AK5: variants seen among roughly 807,000 people sequenced by gnomAD.
AK5 encodes the protein adenylate kinase isoenzyme 5.
In AK5, 27 loss-of-function variants were observed where a neutral mutation model predicts 69.5. The ratio of observed to expected loss-of-function variants is 0.39; its 90% CI spans 0.29 to 0.54. AK5 has a LOEUF of 0.54. Ranked by LOEUF, AK5 falls within the 20% of genes least tolerant of loss-of-function variation. AK5 has a pLI of 0.71. For missense variants in AK5, 531 were observed against 700.4 expected, an observed-to-expected ratio of 0.76 and a Z score of 2.73; for synonymous variants, 260 against 244.4, an observed-to-expected ratio of 1.06 and a Z score of -0.60.
intron 6 of AK5, among the ~76,000 whole-genome samples, chr1:77,384,618 GA>G (rs1326430351): frequency 6.6e-6 from 1 of 151,818 alleles, no homozygotes; most frequent in Non-Finnish European, 1.5e-5. Context: ...CAGTGCAAAA[GA>G]AAAACAGAAG....
chr1:77,317,743 AC>A (rs1225765466), intron 5 of AK5, among the ~76,000 whole-genome samples: 1 of 152,156 alleles, frequency 6.6e-6, no homozygotes, highest in Non-Finnish European at 1.5e-5. Context: ...ACCTTTCATG[AC>A]AATTATTGTC....
intron 6 of AK5, among the ~76,000 whole-genome samples, chr1:77,380,388 A>G (rs1181599536): frequency 1.3e-5 from 2 of 152,276 alleles, no homozygotes; most frequent in African/African-American, 2.4e-5. Context: ...AAGTCACACA[A>G]CTAGTTAAGT....
At chr1:77,427,629 C>G (rs553203855) in intron 8 of AK5, among the ~76,000 whole-genome samples, 1 of 152,056 alleles carries the variant, frequency 6.6e-6, no homozygotes, top group African/African-American at 2.4e-5. Flanking sequence ...GAACCATTCT[C>G]TATATACCAA....
intron 5 of AK5, among the ~76,000 whole-genome samples, chr1:77,331,173 A>G (rs1001523122): frequency 3.9e-5 from 6 of 152,000 alleles, no homozygotes; most frequent in African/African-American, 7.2e-5. Flanking sequence ...AATAATGGCA[A>G]TTGTATTTCT....
intron 8 of AK5, among the ~76,000 whole-genome samples, chr1:77,463,919 G>A (rs1192978007): frequency 6.6e-6 from 1 of 152,214 alleles, no homozygotes; most frequent in East Asian, 1.9e-4. Context: ...TAGGAGGGGT[G>A]CTTAAGCAGA....
chr1:77,526,950 C>T (rs1457784957), intron 12 of AK5, among the ~76,000 whole-genome samples: 1 of 152,032 alleles, frequency 6.6e-6, no homozygotes, highest in Non-Finnish European at 1.5e-5. Context: ...AAAATTGAGT[C>T]TGAAGGCAAA....
At chr1:77,337,765 C>T (rs1271365886) in intron 5 of AK5, among the ~76,000 whole-genome samples, 1 of 152,076 alleles carries the variant, frequency 6.6e-6, no homozygotes, top group Non-Finnish European at 1.5e-5. Context: ...CCTTACTTTG[C>T]AGCGGGGAAA....
intron 8 of AK5, among the ~76,000 whole-genome samples, chr1:77,442,543 G>A (rs1652393164): frequency 6.6e-6 from 1 of 152,132 alleles, no homozygotes; most frequent in Admixed American, 6.5e-5. Context: ...TCCTAGCTGG[G>A]GGATAGGGTG....
intron 6 of AK5, among the ~76,000 whole-genome samples, chr1:77,368,651 C>A (rs184583031): frequency 1.3e-5 from 2 of 152,090 alleles, no homozygotes; most frequent in East Asian, 3.9e-4. Flanking sequence ...ATAATGTGTT[C>A]CGTGTAGCTA....
intron 8 of AK5, among the ~76,000 whole-genome samples, chr1:77,430,425 A>G (rs1651562051): frequency 6.6e-6 from 1 of 152,186 alleles, no homozygotes; most frequent in Non-Finnish European, 1.5e-5. Flanking sequence ...CATGAGTGTA[A>G]TTTTAGACAT....
intron 8 of AK5, among the ~76,000 whole-genome samples, chr1:77,443,697 G>GTGTT (rs1557597488): frequency 6.6e-6 from 1 of 150,956 alleles, no homozygotes; most frequent in Non-Finnish European, 1.5e-5. Flanking sequence ...GTGTGTGTGT[G>GTGTT]TGTGTGTGTG....
At chr1:77,343,299 C>A (rs2100390164) in intron 6 of AK5, among the ~76,000 whole-genome samples, 1 of 152,250 alleles carries the variant, frequency 6.6e-6, no homozygotes, top group Non-Finnish European at 1.5e-5. Context: ...CCTGTTTAGT[C>A]CAGTTGAGAA....
intron 8 of AK5, among the ~76,000 whole-genome samples, chr1:77,475,494 A>G (rs1408532205): frequency 2.0e-5 from 1 of 49,026 alleles, no homozygotes; most frequent in Non-Finnish European, 4.1e-5. Flanking sequence ...ATATATATAC[A>G]AATATATATT....
chr1:77,441,596 T>C (rs940295248), intron 8 of AK5, among the ~76,000 whole-genome samples: 4 of 152,202 alleles, frequency 2.6e-5, no homozygotes, highest in East Asian at 3.8e-4. Context: ...ACCTCAGTGG[T>C]TTAGGCTGTA....
In AK5 at chr1:77,442,648, C is replaced by A. The variant is rs144097607; in HGVS notation, c.1059+24933C>A. On this transcript the variant is annotated intron_variant, in intron 8 of 13. Transcript: ENST00000354567. ...GTTATTGTTTGGATGTACTTCAGTG[C>A]CCTCCTTCAGTTATTTTTATTAAAA... 2.2e-3 allele frequency among the ~76,000 whole-genome samples: 342 copies of A among 152,152 alleles called. 2 individuals are homozygous for A. Among genetic ancestry groups the A allele is most frequent in the African/African-American group, 8.0e-3 (332 of 41,506 alleles).
intron 5 of AK5, among the ~76,000 whole-genome samples, chr1:77,339,803 C>A (rs1661557379): frequency 6.6e-6 from 1 of 151,842 alleles, no homozygotes; most frequent in South Asian, 2.1e-4. Flanking sequence ...GTGCCACCAC[C>A]TGTAGAGACG....
intron 8 of AK5, among the ~76,000 whole-genome samples, chr1:77,464,524 T>G (rs1654026361): frequency 6.6e-6 from 1 of 152,092 alleles, no homozygotes; most frequent in African/African-American, 2.4e-5. Context: ...AGTCTTTTAA[T>G]GAGATGAGTT....
chr1:77,455,231 T>C (rs1325367214), intron 8 of AK5, among the ~76,000 whole-genome samples: 1 of 152,196 alleles, frequency 6.6e-6, no homozygotes, highest in African/African-American at 2.4e-5. Flanking sequence ...TCTGAATGAT[T>C]GTTTTCCCCC....
chr1:77,484,494 A>G (rs931404181), intron 9 of AK5, among the ~76,000 whole-genome samples: 6 of 152,184 alleles, frequency 3.9e-5, no homozygotes, highest in African/African-American at 1.4e-4. Context: ...AGTATGTGAA[A>G]ATCACAGTCA....
Sources: allele counts gnomAD v4.1 joint callset (sites outside exome capture counted in the v4.1 genomes callset), GRCh38; gene constraint gnomAD v4.1.1; transcripts MANE v1.5; gene names NCBI Gene and HGNC (gene_info 2026-07-23, HGNC 2026-07-21).